Variants in FRK observed in about 807,000 individuals in gnomAD.
FRK encodes the protein tyrosine-protein kinase FRK.
In FRK, 51 loss-of-function variants were observed where a neutral mutation model predicts 56.4. The ratio of observed to expected loss-of-function variants is 0.90; its 90% CI spans 0.72 to 1.14. The LOEUF (loss-of-function observed/expected upper bound fraction) is 1.14, where lower values mean the gene tolerates loss of function less well. Ranked by LOEUF, FRK falls within the 50% of genes most tolerant of loss-of-function variation. The probability of loss-of-function intolerance (pLI) is 0.00; values close to 1 mark genes in which losing one functional copy is unlikely to be tolerated. For missense variants in FRK, 570 were observed against 601.4 expected (o/e 0.95, Z 0.55); for synonymous variants, 245 against 217.9 (o/e 1.12, Z -1.10).
At chr6:115,971,585 A>G (rs145605277) in intron 2 of FRK, among the ~76,000 whole-genome samples, 66 of 152,322 alleles carry the variant, frequency 4.3e-4, no homozygotes, top group African/African-American at 1.5e-3. Context: ...GTCTGTGAGA[A>G]TAACACTCCC....
At chr6:116,007,383 G>A (rs1176965393) in intron 1 of FRK, among the ~76,000 whole-genome samples, 2 of 152,176 alleles carry the variant, frequency 1.3e-5, no homozygotes, top group Non-Finnish European at 2.9e-5. Flanking sequence ...CAGGCCCAGG[G>A]AAGTTTATTA....
rs1361458659 is a variant in FRK, at chr6:115,936,038, C to G, written c.*6376G>C. 2 of 153,426 alleles carry G rather than the reference C, an allele frequency of 1.3e-5. No individual in the cohort carries two copies. The highest frequency in any genetic ancestry group is 2.4e-5 in the African/African-American group (1 of 41,474). The allele number at this position is 153,426 out of a possible 1,614,324, so 9.5% of individuals were successfully genotyped here. The stretch of plus-strand genomic sequence containing the variant: ...AAGTGGGTCCCTGACCCTCGTTTAT[C>G]CTGATTGGGAGATATCTCCCAGTAG... On this transcript the variant is annotated 3_prime_UTR_variant, in exon 8 of 8. Transcript: ENST00000606080.
chr6:116,049,636 C>T (rs187717539), intron 1 of FRK, among the ~76,000 whole-genome samples: 26 of 152,248 alleles, frequency 1.7e-4, no homozygotes, highest in Admixed American at 1.2e-3. Context: ...GTTGTGTGGA[C>T]GTAAGCAGTT....
the FRK span, among the ~76,000 whole-genome samples, chr6:116,088,919 T>C: frequency 3.5e-3 from 540 of 152,326 alleles, 2 homozygotes; most frequent in Non-Finnish European, 6.1e-3. Flanking sequence ...AGCCCCACAT[T>C]GACTGGATCA....
At chr6:115,973,664 G>A (rs1057212078) in intron 2 of FRK, among the ~76,000 whole-genome samples, 1 of 152,164 alleles carries the variant, frequency 6.6e-6, no homozygotes, top group Non-Finnish European at 1.5e-5. Flanking sequence ...GAGGACAGGA[G>A]TTCAAGACCA....
At chr6:115,951,411 A>G (rs968637211) in intron 5 of FRK, among the ~76,000 whole-genome samples, 1 of 152,182 alleles carries the variant, frequency 6.6e-6, no homozygotes, top group Admixed American at 6.5e-5. Context: ...CTTTTACTCA[A>G]AGGAATAGGT....
chr6:115,955,606 G>A (rs1772953157), intron 5 of FRK, among the ~76,000 whole-genome samples: 1 of 152,008 alleles, frequency 6.6e-6, no homozygotes, highest in African/African-American at 2.4e-5. Context: ...ATCTTGTTTT[G>A]TAGCTTAATG....
the FRK span, among the ~76,000 whole-genome samples, chr6:116,071,410 C>T: frequency 3.3e-5 from 5 of 152,128 alleles, no homozygotes; most frequent in African/African-American, 1.2e-4. Context: ...TACAAATCCA[C>T]TCAACAAACC....
At chr6:116,006,253 C>T (rs975812519) in intron 1 of FRK, among the ~76,000 whole-genome samples, 2 of 151,822 alleles carry the variant, frequency 1.3e-5, no homozygotes, top group Non-Finnish European at 2.9e-5. Flanking sequence ...AAAAAGAAAC[C>T]CCAAATAATT....
chr6:115,967,386 T>G (rs548035967), intron 4 of FRK, among the ~76,000 whole-genome samples, 165 bp downstream of exon 4: 4 of 152,306 alleles, frequency 2.6e-5, no homozygotes, highest in African/African-American at 9.6e-5. Context: ...TGTTTTTATA[T>G]TTTAATGCCT....
At chr6:115,996,605 C>T (rs1774850866) in intron 2 of FRK, among the ~76,000 whole-genome samples, 1 of 152,018 alleles carries the variant, frequency 6.6e-6, no homozygotes, top group Non-Finnish European at 1.5e-5. Context: ...CCTACATGGC[C>T]CAGACTTCTA....
chr6:115,961,525 G>C (rs1422290003), intron 4 of FRK, among the ~76,000 whole-genome samples: 2 of 78,608 alleles, frequency 2.5e-5, no homozygotes, highest in African/African-American at 5.4e-5. Flanking sequence ...CCAACGTTCA[G>C]ATTCAGGAAA....
chr6:115,983,496 C>T (rs1329122638), intron 2 of FRK, among the ~76,000 whole-genome samples: 1 of 152,176 alleles, frequency 6.6e-6, no homozygotes, highest in African/African-American at 2.4e-5. Flanking sequence ...TACCTTCTTA[C>T]AGTATTTTTC....
chr6:115,933,188 G>A lies in FRK; in HGVS notation c.*9226C>T, dbSNP rs980833909. On this transcript the variant is annotated 3_prime_UTR_variant, in exon 8 of 8. Transcript: ENST00000606080. Reference sequence around the variant, plus strand: ...TTTATTGCAAATTCTTAGGGTTTCTGTCAAAAGAGATTTGAAATACAACAT... The same window carrying A: ...TTTATTGCAAATTCTTAGGGTTTCTATCAAAAGAGATTTGAAATACAACAT... The A allele has an allele frequency of 1.3e-5, 2 of 152,034 alleles. No homozygotes were observed. The highest frequency in any genetic ancestry group is 2.9e-5 in the Non-Finnish European group (2 of 68,008). 9.4% of individuals were successfully genotyped at this position (152,034 alleles called of 1,614,324 possible). A position where few individuals can be genotyped will look rare whatever the true frequency, so the allele number is the denominator to read the frequency against.
chr6:115,958,634 G>A (rs865994322), intron 4 of FRK, among the ~76,000 whole-genome samples: 11 of 55,718 alleles, frequency 2.0e-4, no homozygotes, highest in East Asian at 1.0e-3. Flanking sequence ...TCTCAAAAAA[G>A]GAAAGAAAGA....
At chr6:116,093,903 G>A in the FRK span, among the ~76,000 whole-genome samples, 19 of 152,214 alleles carry the variant, frequency 1.2e-4, no homozygotes, top group South Asian at 4.0e-3. Flanking sequence ...AGTGAGCCCT[G>A]GGCCCTGAAC....
rs1015174811 is a variant in FRK at position 115,931,680 on chromosome 6, T to A, written c.*10734A>T. The stretch of plus-strand genomic sequence containing the variant: ...TATGATATATTTCTACTCTGAAATT[T>A]TGTGGACCATAAAAATTAAATGTAA... On this transcript the variant is annotated 3_prime_UTR_variant, in exon 8 of 8. Transcript: ENST00000606080. 3 of 152,230 alleles carry A rather than the reference T, an allele frequency of 2.0e-5. No homozygotes were observed. Among genetic ancestry groups the A allele is most frequent in the Admixed American group, 6.5e-5 (1 of 15,282 alleles). 9.4% of individuals were successfully genotyped at this position (152,230 alleles called of 1,614,324 possible).
intron 1 of FRK, among the ~76,000 whole-genome samples, chr6:116,046,985 G>T (rs1453318503): frequency 6.6e-6 from 1 of 151,364 alleles, no homozygotes; most frequent in African/African-American, 2.4e-5. Context: ...GCCTGTATCT[G>T]TATTGTGAAG....
At chr6:115,950,385 C>T (rs2114534841) in intron 5 of FRK, among the ~76,000 whole-genome samples, 1 of 152,210 alleles carries the variant, frequency 6.6e-6, no homozygotes, top group South Asian at 2.1e-4. Flanking sequence ...AGACACTTTT[C>T]AAAAGAAGAC....
Sources: gnomAD v4.1 joint callset for allele counts (sites outside exome capture counted in the v4.1 genomes callset) on GRCh38, gnomAD v4.1.1 for gene constraint, MANE v1.5 for transcripts, NCBI Gene and HGNC (gene_info 2026-07-23, HGNC 2026-07-21) for gene names.